Variants in RPTOR observed in about 807,000 individuals in gnomAD.
RPTOR encodes regulatory associated protein of MTOR complex 1.
Under a neutral mutation model 169.9 loss-of-function variants are expected in RPTOR, and 21 were observed. The observed-to-expected ratio is 0.12, with a 90% CI of 0.09 to 0.18. RPTOR has a LOEUF of 0.18. Ranked by LOEUF, RPTOR falls within the 10% of genes least tolerant of loss-of-function variation. The pLI, the probability that RPTOR is intolerant of heterozygous loss-of-function variation, is 1.00. For synonymous variants in RPTOR, 732 were observed against 753.2 expected (o/e 0.97, Z 0.46); for missense variants, 1,133 against 1,855.9 (o/e 0.61, Z 7.16).
intron 7 of RPTOR, among the ~76,000 whole-genome samples, chr17:80,794,504 G>A (rs533056960): frequency 1.3e-5 from 2 of 152,264 alleles, no homozygotes; most frequent in South Asian, 2.1e-4. Context: ...AAGAACTGTC[G>A]GTTTCTCATA....
chr17:80,633,896 A>C lies in RPTOR; in HGVS notation c.265+8103A>C, dbSNP rs1044536272. 1.3e-5 allele frequency among the ~76,000 whole-genome samples: 2 copies of C among 152,104 alleles called. No homozygotes were observed. The highest frequency in any genetic ancestry group is 4.1e-4 in the South Asian group (2 of 4,836). On this transcript the variant is annotated intron_variant, in intron 2 of 33. Transcript: ENST00000306801. The surrounding 1 kb of genome is among the most constrained non-coding windows in gnomAD (Gnocchi z 4.1). ...TCTGTCTTGTTTGCATCATTCGTGG[A>C]GCATGTGCTTACTTTGTCTCATCTA...
rs367607386 is a variant in RPTOR, at chr17:80,685,300, A to C, written c.349-22541A>C. On this transcript the variant is annotated intron_variant, in intron 3 of 33. Transcript: ENST00000306801. ...AATTATTTTTATTGTAAGTGAGTTG[A>C]GGTATTGCTCTGTCTCCCAGGCTGG... 5.5e-5 allele frequency among the ~76,000 whole-genome samples: 8 copies of C among 144,584 alleles called. No individual in the cohort carries two copies. The East Asian group carries it at 1.2e-3, about 21-fold the overall frequency. 94.9% of individuals were successfully genotyped at this position (144,584 alleles called of 152,430 possible). A position where few individuals can be genotyped will look rare whatever the true frequency, so the allele number is the denominator to read the frequency against.
At chr17:80,921,752 C>A (rs1292961062) in intron 21 of RPTOR, among the ~76,000 whole-genome samples, 1 of 152,124 alleles carries the variant, frequency 6.6e-6, no homozygotes, top group Non-Finnish European at 1.5e-5. Context: ...TGGTTTGGAG[C>A]CTCATGCTGC....
Position 80,746,472 on chromosome 17 carries a change from T to C in RPTOR, c.655-7538T>C, listed in dbSNP as rs2143297534. On this transcript the variant is annotated intron_variant, in intron 5 of 33. Transcript: ENST00000306801. This position sits in a 1 kb window ranked among gnomAD's most constrained non-coding sequence, Gnocchi z 4.5. The stretch of plus-strand genomic sequence containing the variant: ...CCACACGTGGGAACAATGCAGCAGA[T>C]GTCTTTTTTGGATCCGGTTGCTGTG... Among the ~76,000 whole-genome samples, 1 of 152,362 alleles carries C rather than the reference T, an allele frequency of 6.6e-6. No individual in the cohort carries two copies. Among genetic ancestry groups the C allele is most frequent in the South Asian group, 2.1e-4 (1 of 4,832 alleles).
chr17:80,929,522 C>T (rs987920373), intron 24 of RPTOR, among the ~76,000 whole-genome samples: 8 of 152,252 alleles, frequency 5.3e-5, no homozygotes, highest in East Asian at 3.8e-4. Context: ...AGGCATCACA[C>T]GCAGAACCCA....
At position 80,889,894 on chromosome 17, in the gene RPTOR, C is replaced by T. The variant is rs1231206168; in HGVS notation, c.1984-1826C>T. The stretch of plus-strand genomic sequence containing the variant: ...ATGTGCGGCCTCCGAGGGAGGCCCC[C>T]GTACGCAGCAGGATGTGCGGCCTCC... On this transcript the variant is annotated intron_variant, in intron 17 of 33. Coordinates refer to ENST00000306801, the MANE Select transcript of RPTOR (RefSeq NM_020761.3). Among the ~76,000 whole-genome samples the T allele has an allele frequency of 3.7e-3, 208 of 56,590 alleles. 3 individuals carry two copies. The highest frequency in any genetic ancestry group is 7.9e-3 in the African/African-American group (165 of 20,922). The allele number at this position is 56,590 out of a possible 152,430, so 37.1% of individuals were successfully genotyped here. A position where few individuals can be genotyped will look rare whatever the true frequency, so the allele number is the denominator to read the frequency against.
chr17:80,604,931 CCT>C (rs1491214557), intron 1 of RPTOR, among the ~76,000 whole-genome samples: 1 of 144,948 alleles, frequency 6.9e-6, no homozygotes, highest in Non-Finnish European at 1.6e-5. Flanking sequence ...TTTTTTTTCC[CCT>C]TTTTTTTTTG....
intron 21 of RPTOR, among the ~76,000 whole-genome samples, chr17:80,919,476 G>A (rs12451162): frequency 0.15 from 23,023 of 152,198 alleles, 2,151 homozygotes; most frequent in Admixed American, 0.2. Context: ...GCTGGCATCC[G>A]CAGCCCTGAC....
chr17:80,783,485 A>T (rs555401968), intron 6 of RPTOR, among the ~76,000 whole-genome samples: 2 of 152,218 alleles, frequency 1.3e-5, no homozygotes, highest in Non-Finnish European at 2.9e-5. Flanking sequence ...TTTCTTTTTT[A>T]AAAAACTGAC....
intron 24 of RPTOR, among the ~76,000 whole-genome samples, chr17:80,928,433 A>G (rs1387135009): frequency 6.6e-6 from 1 of 152,244 alleles, no homozygotes; most frequent in Non-Finnish European, 1.5e-5. Flanking sequence ...GAACAGAAGA[A>G]CTGCAAACCC....
At chr17:80,576,647 A>T (rs2064966123) in intron 1 of RPTOR, among the ~76,000 whole-genome samples, 1 of 152,208 alleles carries the variant, frequency 6.6e-6, no homozygotes, top group Non-Finnish European at 1.5e-5. Flanking sequence ...TTCTTTTCTC[A>T]TGACGGTCTA....
chr17:80,725,654 C>G (rs2066326018), intron 4 of RPTOR, among the ~76,000 whole-genome samples: 1 of 152,156 alleles, frequency 6.6e-6, no homozygotes, highest in Non-Finnish European at 1.5e-5. Flanking sequence ...CTGCAGGCTG[C>G]CCTTTGCTGG....
intron 17 of RPTOR, among the ~76,000 whole-genome samples, chr17:80,889,549 C>T (rs1191604320): frequency 2.0e-5 from 3 of 152,176 alleles, no homozygotes; most frequent in African/African-American, 7.2e-5. Flanking sequence ...CACATGACAA[C>T]ACCAGCCAAG....
intron 5 of RPTOR, among the ~76,000 whole-genome samples, chr17:80,744,979 T>TTACTAGCACAGCCCTGGC (rs2066557456): frequency 6.7e-6 from 1 of 149,618 alleles, no homozygotes; most frequent in African/African-American, 2.5e-5. Context: ...AGAGCCCTGG[T>TTACTAGCACAGCCCTGGC]TACTAGCACA....
intron 17 of RPTOR, among the ~76,000 whole-genome samples, chr17:80,889,775 C>T (rs2068293249): frequency 6.6e-6 from 1 of 152,190 alleles, no homozygotes; most frequent in African/African-American, 2.4e-5. Context: ...CAGAGCGAGG[C>T]CCGCCATCTC....
chr17:80,790,025 A>G (rs2067031277), intron 6 of RPTOR, among the ~76,000 whole-genome samples: 1 of 152,204 alleles, frequency 6.6e-6, no homozygotes, highest in Non-Finnish European at 1.5e-5. Flanking sequence ...ATTTTTATCC[A>G]CAGAGAAATT....
intron 5 of RPTOR, among the ~76,000 whole-genome samples, chr17:80,738,621 C>A (rs2066454648): frequency 6.6e-6 from 1 of 152,184 alleles, no homozygotes; most frequent in Non-Finnish European, 1.5e-5. Flanking sequence ...CCTTGGCTGA[C>A]CACATACGGC....
At chr17:80,595,427 C>T (rs1157447822) in intron 1 of RPTOR, among the ~76,000 whole-genome samples, 1 of 152,156 alleles carries the variant, frequency 6.6e-6, no homozygotes, top group African/African-American at 2.4e-5. Flanking sequence ...CTGTGATCTG[C>T]TGAGTTGGGC....
chr17:80,888,166 A>G (rs1298663807), intron 17 of RPTOR, among the ~76,000 whole-genome samples: 2 of 152,204 alleles, frequency 1.3e-5, no homozygotes, highest in African/African-American at 4.8e-5. Flanking sequence ...CCAGATTGGA[A>G]TACAGTGGCA....
Sources: allele counts gnomAD v4.1 joint callset (sites outside exome capture counted in the v4.1 genomes callset), GRCh38; gene constraint gnomAD v4.1.1; non-coding constraint Gnocchi (gnomAD v3.1); transcripts MANE v1.5; gene names NCBI Gene and HGNC (gene_info 2026-07-23, HGNC 2026-07-21).